The following AGK variants were observed in gnomAD, a reference collection of about 807,000 sequenced individuals.
AGK encodes acylglycerol kinase.
Under a neutral mutation model 66.4 loss-of-function variants are expected in AGK, and 52 were observed. The ratio of observed to expected loss-of-function variants is 0.78; its 90% CI spans 0.63 to 0.99. The LOEUF (loss-of-function observed/expected upper bound fraction) is 0.99. AGK is among the 50% of genes least tolerant of loss of function. The pLI is 0.00. For synonymous variants in AGK, 182 were observed against 181.1 expected, an observed-to-expected ratio of 1.00 and a Z score of -0.04; for missense variants, 451 against 506.6, an observed-to-expected ratio of 0.89 and a Z score of 1.05.
At chr7:141,577,326 T>G (rs552087712) in intron 2 of AGK, among the ~76,000 whole-genome samples, 4 of 152,338 alleles carry the variant, frequency 2.6e-5, no homozygotes, top group South Asian at 4.1e-4. Flanking sequence ...CACAATCCCT[T>G]ATCTTAATTC....
At chr7:141,615,377 C>T in intron 7 of AGK, 94 bp from the exon 8 acceptor site, 1 of 904,218 alleles carries the variant, frequency 1.1e-6, no homozygotes, top group African/African-American at 1.7e-5. Flanking sequence ...GATACAGGGT[C>T]AGTTATTTGT....
intron 2 of AGK, among the ~76,000 whole-genome samples, chr7:141,573,047 T>A (rs1412702085): frequency 6.6e-6 from 1 of 152,202 alleles, no homozygotes; most frequent in Admixed American, 6.5e-5. Flanking sequence ...TAGGGAGGTT[T>A]TTTTCCCCCT....
chr7:141,590,741 A>G (rs1220853723), intron 2 of AGK, among the ~76,000 whole-genome samples: 2 of 152,136 alleles, frequency 1.3e-5, no homozygotes, highest in Non-Finnish European at 2.9e-5. Context: ...CTCATCTTGT[A>G]TATTTTTGTT....
At chr7:141,602,184 T>TGTGTGTGTGTGTGTGTGTGTGC (rs1385994441) in intron 5 of AGK, among the ~76,000 whole-genome samples, 2 of 149,700 alleles carry the variant, frequency 1.3e-5, no homozygotes, top group Non-Finnish European at 3.0e-5. Context: ...TGTGTGTGTG[T>TGTGTGTGTGTGTGTGTGTGTGC]GTGTGTGTGT....
chr7:141,554,664 T>C (rs1395633808), intron 1 of AGK, among the ~76,000 whole-genome samples: 1 of 152,212 alleles, frequency 6.6e-6, no homozygotes, highest in African/African-American at 2.4e-5. Flanking sequence ...AGGATTAGGC[T>C]AATAAATGAG....
At position 141,555,488 on chromosome 7, in the gene AGK, C is replaced by T; in HGVS notation, c.22C>T (p.Leu8Phe). Residue 8 changes from leucine (L) to phenylalanine (F), a missense_variant, in exon 2 of 16, where the codon CTT (leucine) becomes TTT (phenylalanine). Transcript: ENST00000649286. This position sits in a 1 kb window ranked among gnomAD's most constrained non-coding sequence, Gnocchi z 4.2. MTVFFKT[L>F]RNHWKKTTAG... ...GAAGATGACGGTGTTCTTTAAAACGCTTCGAAATCACTGGAAGAAAACTAC... is the reference window on the plus strand; with the variant it reads ...GAAGATGACGGTGTTCTTTAAAACGTTTCGAAATCACTGGAAGAAAACTAC... 6.2e-7 allele frequency: 1 copy of T among 1,614,004 alleles called. No individual in the cohort carries two copies. The highest frequency in any genetic ancestry group is 1.1e-5 in the South Asian group (1 of 91,026).
intron 2 of AGK, among the ~76,000 whole-genome samples, chr7:141,562,612 A>T (rs1195663528): frequency 6.6e-6 from 1 of 152,166 alleles, no homozygotes; most frequent in African/African-American, 2.4e-5. Context: ...CTTGTGCCGT[A>T]TAGTTCACCA....
chr7:141,607,951 C>T (rs1468570284), intron 5 of AGK, among the ~76,000 whole-genome samples: 3 of 151,932 alleles, frequency 2.0e-5, no homozygotes. Flanking sequence ...TATGGTCTGT[C>T]AAATCTGTCA....
At chr7:141,595,889 T>C (rs1037595527) in intron 3 of AGK, among the ~76,000 whole-genome samples, 1 of 152,216 alleles carries the variant, frequency 6.6e-6, no homozygotes, top group Non-Finnish European at 1.5e-5. Flanking sequence ...ATCAACTCTG[T>C]GACTTTCAGG....
chr7:141,571,560 G>C (rs1795608361), intron 2 of AGK, among the ~76,000 whole-genome samples: 1 of 152,180 alleles, frequency 6.6e-6, no homozygotes. Context: ...GGCATATATT[G>C]TCTAGGTGTC....
intron 2 of AGK, among the ~76,000 whole-genome samples, chr7:141,573,749 G>A (rs920414732): frequency 2.0e-5 from 3 of 152,198 alleles, no homozygotes; most frequent in African/African-American, 7.2e-5. Context: ...GGGACGTGGG[G>A]ACATAGGGAC....
intron 2 of AGK, among the ~76,000 whole-genome samples, chr7:141,562,363 G>A (rs187928367): frequency 8.5e-5 from 13 of 152,328 alleles, no homozygotes; most frequent in Non-Finnish European, 1.8e-4. Context: ...CTTGCCATAA[G>A]TTGGGGCAAG....
chr7:141,596,917 G>T (rs1747952087), intron 4 of AGK: 2 of 380,384 alleles, frequency 5.3e-6, no homozygotes, highest in East Asian at 1.0e-4. Context: ...AGTCCCCTCG[G>T]GAGCGACTGC....
chr7:141,586,062 C>T (rs1795988199), intron 2 of AGK, among the ~76,000 whole-genome samples: 1 of 151,898 alleles, frequency 6.6e-6, no homozygotes, highest in East Asian at 1.9e-4. Context: ...AGATTCTTGA[C>T]TCATTAGTAA....
At chr7:141,628,779 T>G (rs1796995979) in intron 9 of AGK, among the ~76,000 whole-genome samples, 2 of 152,200 alleles carry the variant, frequency 1.3e-5, no homozygotes. Context: ...GTCTGTTGGT[T>G]TTTCCACTTA....
chr7:141,644,701 G>C (rs952449918), intron 13 of AGK, among the ~76,000 whole-genome samples: 3 of 152,064 alleles, frequency 2.0e-5, no homozygotes, highest in Non-Finnish European at 4.4e-5. Flanking sequence ...TAGGTGAAAA[G>C]ATTTGCAACA....
intron 8 of AGK, among the ~76,000 whole-genome samples, chr7:141,618,611 A>G (rs1796759028): frequency 6.6e-6 from 1 of 152,204 alleles, no homozygotes; most frequent in Admixed American, 6.5e-5. Context: ...CCTCTATTCT[A>G]TTGCTAACTG....
intron 4 of AGK, 97 bp downstream of exon 4, chr7:141,596,738 G>T: frequency 9.2e-7 from 1 of 1,085,500 alleles, no homozygotes; most frequent in South Asian, 1.3e-5. Context: ...GGAATTGGAA[G>T]AACTAGGTTT....
chr7:141,554,208 G>A (rs1204984998), intron 1 of AGK, among the ~76,000 whole-genome samples: 1 of 151,990 alleles, frequency 6.6e-6, no homozygotes, highest in Admixed American at 6.6e-5. Context: ...TTAGCCAAGT[G>A]TAGTGGTATG....
Sources: allele counts gnomAD v4.1 joint callset (sites outside exome capture counted in the v4.1 genomes callset), GRCh38; gene constraint gnomAD v4.1.1; non-coding constraint Gnocchi (gnomAD v3.1); transcripts MANE v1.5; gene names NCBI Gene and HGNC (gene_info 2026-07-23, HGNC 2026-07-21).